PLXDC1: variants seen among roughly 807,000 people sequenced by gnomAD.
PLXDC1 encodes the protein plexin domain-containing protein 1.
Under a neutral mutation model 61.3 loss-of-function variants are expected in PLXDC1, and 39 were observed. The observed-to-expected ratio is 0.64, with a 90% CI of 0.49 to 0.83. PLXDC1 has a LOEUF of 0.83. Ranked by LOEUF, PLXDC1 falls within the 40% of genes least tolerant of loss-of-function variation. PLXDC1 has a pLI of 0.00. For synonymous variants in PLXDC1, 212 were observed against 254.5 expected, an observed-to-expected ratio of 0.83 and a Z score of 1.59; for missense variants, 596 against 666.5, an observed-to-expected ratio of 0.89 and a Z score of 1.17.
chr17:39,123,975 T>C (rs1427875321), intron 2 of PLXDC1, among the ~76,000 whole-genome samples: 1 of 152,016 alleles, frequency 6.6e-6, no homozygotes, highest in African/African-American at 2.4e-5. Context: ...GAGGCGTGGA[T>C]GGGATTACTG....
chr17:39,066,181 G>A lies in PLXDC1; in HGVS notation c.*1659C>T, dbSNP rs1191447880. The A allele has an allele frequency of 6.6e-6, 1 of 152,382 alleles. No homozygotes were observed. Among genetic ancestry groups the A allele is most frequent in the East Asian group, 1.9e-4 (1 of 5,182 alleles). 9.4% of individuals were successfully genotyped at this position (152,382 alleles called of 1,614,324 possible). Reference sequence around the variant, plus strand: ...AGGCAAGTCCTGCCTTTGGAGGTATGTACAGGCACTGACATCAGAACAGGG... The same window carrying A: ...AGGCAAGTCCTGCCTTTGGAGGTATATACAGGCACTGACATCAGAACAGGG... On this transcript the variant is annotated 3_prime_UTR_variant, in exon 14 of 14. Coordinates refer to ENST00000315392, the MANE Select transcript of PLXDC1 (RefSeq NM_020405.5).
chr17:39,084,508 G>A (rs543501325), intron 8 of PLXDC1, among the ~76,000 whole-genome samples: 1 of 152,290 alleles, frequency 6.6e-6, no homozygotes, highest in Admixed American at 6.5e-5. Flanking sequence ...GTGCTTGTTG[G>A]GGGCACTCAC....
chr17:39,124,163 C>A (rs607023), intron 2 of PLXDC1, among the ~76,000 whole-genome samples: 67,028 of 152,098 alleles, frequency 0.44, 15,388 homozygotes, highest in East Asian at 0.59. Context: ...CAACCCCAAG[C>A]CTGCTGAATC....
intron 2 of PLXDC1, among the ~76,000 whole-genome samples, chr17:39,128,575 C>T (rs780703614): frequency 6.6e-6 from 1 of 152,022 alleles, no homozygotes; most frequent in African/African-American, 2.4e-5. Context: ...GTAGAGAAAT[C>T]GGAACCCTCA....
rs756907082 is a variant in PLXDC1 at position 39,065,040 on chromosome 17, C to A, written c.*2800G>T. The A allele has an allele frequency of 6.6e-6, 1 of 152,210 alleles. No individual in the cohort carries two copies. The highest frequency in any genetic ancestry group is 1.5e-5 in the Non-Finnish European group (1 of 68,052). The allele number at this position is 152,210 out of a possible 1,614,324, so 9.4% of individuals were successfully genotyped here. A position where few individuals can be genotyped will look rare whatever the true frequency, so the allele number is the denominator to read the frequency against. On this transcript the variant is annotated 3_prime_UTR_variant, in exon 14 of 14. Coordinates refer to ENST00000315392, the MANE Select transcript of PLXDC1 (RefSeq NM_020405.5). ...TTTTCCCACTGGGAGCTCGGCCAAC[C>A]ATTTTGGATCCCTGAAGGGAAAGAA...
chr17:39,149,282 A>G (rs2045359383), intron 1 of PLXDC1, among the ~76,000 whole-genome samples: 2 of 152,046 alleles, frequency 1.3e-5, no homozygotes, highest in Admixed American at 1.3e-4. Flanking sequence ...GGATGCTAGC[A>G]TCTCTTCAGG....
intron 8 of PLXDC1, 92 bp from the exon 9 acceptor site, chr17:39,083,632 T>C: frequency 1.0e-6 from 1 of 966,944 alleles, no homozygotes; most frequent in Non-Finnish European, 1.6e-6. Context: ...TACAGAACTA[T>C]GGAGCCCCTG....
intron 1 of PLXDC1, among the ~76,000 whole-genome samples, chr17:39,140,241 G>A (rs1911891588): frequency 6.6e-6 from 1 of 152,200 alleles, no homozygotes; most frequent in Admixed American, 6.5e-5. Context: ...AGTTCCTGAT[G>A]TCTGGGTCCC....
At chr17:39,081,622 G>A (rs1451304817) in intron 9 of PLXDC1, among the ~76,000 whole-genome samples, 12 of 36,308 alleles carry the variant, frequency 3.3e-4, no homozygotes, top group Middle Eastern at 7.2e-3. Flanking sequence ...GCGAGACTCC[G>A]TCTCAAAAAA....
chr17:39,097,743 A>G (rs986055047), intron 7 of PLXDC1, among the ~76,000 whole-genome samples: 1 of 151,046 alleles, frequency 6.6e-6, no homozygotes, highest in Non-Finnish European at 1.5e-5. Context: ...TAAATAAATA[A>G]ATAAATAAAT....
At chr17:39,087,806 G>T in intron 7 of PLXDC1, 104 bp from the exon 8 acceptor site, 2 of 754,568 alleles carry the variant, frequency 2.7e-6, no homozygotes, top group Non-Finnish European at 4.6e-6. Flanking sequence ...ACTGAAGGCA[G>T]TAAGTGCACC....
intron 2 of PLXDC1, among the ~76,000 whole-genome samples, chr17:39,128,910 T>C (rs1342342807): frequency 6.6e-6 from 1 of 151,950 alleles, no homozygotes; most frequent in Non-Finnish European, 1.5e-5. Context: ...CTCGGGAGGC[T>C]GAGGCAGGAG....
chr17:39,072,504 G>A lies in PLXDC1; in HGVS notation c.1187-19C>T. ...GTGTCATCTTCAAAGAGAGAAGACA[G>A]AAGGAGCAAGATTAGTGGAATCATT... On this transcript the variant is annotated intron_variant, in intron 11 of 13. Coordinates refer to ENST00000315392, the MANE Select transcript of PLXDC1 (RefSeq NM_020405.5). The A allele has an allele frequency of 1.4e-6, 2 of 1,470,790 alleles. No homozygotes were observed. Among genetic ancestry groups the A allele is most frequent in the Non-Finnish European group, 9.3e-7 (1 of 1,070,650 alleles). 91.1% of individuals were successfully genotyped at this position (1,470,790 alleles called of 1,614,324 possible).
chr17:39,136,863 C>A (rs1195268329), intron 2 of PLXDC1, among the ~76,000 whole-genome samples: 3 of 151,882 alleles, frequency 2.0e-5, no homozygotes, highest in Non-Finnish European at 4.4e-5. Context: ...AACAAGCACA[C>A]TAACAAATAA....
rs1456288434 is a variant in PLXDC1, at chr17:39,106,328, T to C, written c.712-375A>G. ...TTCCCCTCATCCTACTCTAAGCTGC[T>C]GTCACCCTTCTCCTAAATTACTTCC... is the stretch of plus-strand genomic sequence containing the variant. On this transcript the variant is annotated intron_variant, in intron 6 of 13. Transcript: ENST00000315392. 2.0e-5 allele frequency among the ~76,000 whole-genome samples: 3 copies of C among 152,248 alleles called. No individual in the cohort carries two copies. The East Asian group carries it at 5.8e-4, about 29-fold the overall frequency.
At chr17:39,084,984 T>C (rs1021841801) in intron 8 of PLXDC1, among the ~76,000 whole-genome samples, 1 of 152,222 alleles carries the variant, frequency 6.6e-6, no homozygotes, top group African/African-American at 2.4e-5. Context: ...AGAACAACTG[T>C]GTGCAGAAGG....
At chr17:39,106,814 T>G (rs965118075) in intron 6 of PLXDC1, among the ~76,000 whole-genome samples, 16 of 151,950 alleles carry the variant, frequency 1.1e-4, no homozygotes, top group African/African-American at 3.6e-4. Flanking sequence ...CACGTCCGGC[T>G]AAATTTTTTG....
At chr17:39,094,362 G>A (rs1910063841) in intron 7 of PLXDC1, among the ~76,000 whole-genome samples, 1 of 152,130 alleles carries the variant, frequency 6.6e-6, no homozygotes, top group Non-Finnish European at 1.5e-5. Context: ...TGACTTCCAG[G>A]GTGCCTGAGG....
intron 2 of PLXDC1, among the ~76,000 whole-genome samples, chr17:39,136,932 A>G (rs1181294197): frequency 1.3e-5 from 2 of 152,236 alleles, no homozygotes; most frequent in Non-Finnish European, 2.9e-5. Context: ...TTGAAGGATC[A>G]CTTCCAGAAA....
Sources: allele counts gnomAD v4.1 joint callset (sites outside exome capture counted in the v4.1 genomes callset), GRCh38; gene constraint gnomAD v4.1.1; transcripts MANE v1.5; gene names NCBI Gene and HGNC (gene_info 2026-07-23, HGNC 2026-07-21).